SORCS3: variants seen among roughly 807,000 people sequenced by gnomAD.
SORCS3 encodes sortilin related VPS10 domain containing receptor 3.
SORCS3 carries 57 observed loss-of-function variants against 146.3 expected under a neutral mutation model. The observed-to-expected ratio is 0.39, with a 90% CI of 0.31 to 0.49. SORCS3 has a LOEUF of 0.49. Among genes scored for constraint, SORCS3 ranks in the 20% least tolerant of loss-of-function variants. The probability of loss-of-function intolerance (pLI) is 0.92; values close to 1 mark genes in which losing one functional copy is unlikely to be tolerated. For synonymous variants in SORCS3, 653 were observed against 618.5 expected (o/e 1.06, Z -0.83); for missense variants, 1,341 against 1,575.5 (o/e 0.85, Z 2.52).
At chr10:105,105,586 G>A in intron 7 of SORCS3, 71 bp downstream of exon 7, 1 of 1,091,136 alleles carries the variant, frequency 9.2e-7, no homozygotes, top group South Asian at 1.3e-5. Context: ...AGGAAAAGGA[G>A]GGTGGCTTTC....
intron 3 of SORCS3, among the ~76,000 whole-genome samples, chr10:104,972,636 AAGAG>A (rs879781865): frequency 2.7e-5 from 4 of 150,178 alleles, no homozygotes; most frequent in Admixed American, 2.0e-4. Context: ...GAGAGAGAGA[AAGAG>A]AGAGAGAGAG....
intron 1 of SORCS3, among the ~76,000 whole-genome samples, chr10:104,658,768 T>C (rs1300590634): frequency 6.6e-6 from 1 of 152,118 alleles, no homozygotes; most frequent in Non-Finnish European, 1.5e-5. Context: ...TTACAATTGT[T>C]ACCTGAGTGG....
chr10:104,825,094 T>C (rs1301265397), intron 1 of SORCS3, among the ~76,000 whole-genome samples: 4 of 152,224 alleles, frequency 2.6e-5, no homozygotes, highest in African/African-American at 7.2e-5. Flanking sequence ...GAGGTTGCTC[T>C]TTATTTTGTG....
intron 5 of SORCS3, 70 bp downstream of exon 5, chr10:105,043,198 C>A: frequency 7.3e-7 from 1 of 1,367,344 alleles, no homozygotes; most frequent in South Asian, 1.2e-5. Flanking sequence ...CTCTAGACAG[C>A]TCTGGACAGT....
At chr10:104,740,889 A>G (rs537133648) in intron 1 of SORCS3, among the ~76,000 whole-genome samples, 1 of 152,194 alleles carries the variant, frequency 6.6e-6, no homozygotes, top group South Asian at 2.1e-4. Context: ...TTCCATTAGC[A>G]ATCATTGTAG....
At chr10:105,194,579 C>T (rs2056534236) in intron 14 of SORCS3, among the ~76,000 whole-genome samples, 1 of 152,124 alleles carries the variant, frequency 6.6e-6, no homozygotes, top group Admixed American at 6.6e-5. Flanking sequence ...TTGCCAAAGA[C>T]CTGAGAATAA....
intron 1 of SORCS3, among the ~76,000 whole-genome samples, chr10:104,748,707 G>T (rs964175757): frequency 2.0e-5 from 3 of 152,134 alleles, no homozygotes; most frequent in Admixed American, 6.5e-5. Flanking sequence ...ACAAAAATTT[G>T]CTGGGTGTGG....
chr10:105,036,871 C>A (rs1345475850), intron 4 of SORCS3, among the ~76,000 whole-genome samples: 1 of 152,170 alleles, frequency 6.6e-6, no homozygotes. Flanking sequence ...CCATCATGAA[C>A]ACAATACAGC....
intron 2 of SORCS3, among the ~76,000 whole-genome samples, chr10:104,887,980 A>G (rs1158518063): frequency 7.1e-6 from 1 of 141,146 alleles, no homozygotes; most frequent in Non-Finnish European, 1.5e-5. Flanking sequence ...GGGCGGAGCA[A>G]GCCCATGAAG....
In SORCS3 at chr10:104,912,175, T is replaced by G. The variant is rs1274838863; in HGVS notation, c.696-3658T>G. On this transcript the variant is annotated intron_variant, in intron 2 of 26. Coordinates refer to ENST00000369701, the MANE Select transcript of SORCS3 (RefSeq NM_014978.3). ...TGTCAGAATAATTTTTTAACAGCCT[T>G]CTAAAAGTGGCTTGTGCAGGGTAAC... Among the ~76,000 whole-genome samples, 3 of 152,224 alleles carry G rather than the reference T, an allele frequency of 2.0e-5. No homozygotes were observed. In the East Asian group the frequency reaches 5.8e-4, roughly 29 times the overall value.
At chr10:104,791,701 T>G (rs1371886598) in intron 1 of SORCS3, among the ~76,000 whole-genome samples, 2 of 152,202 alleles carry the variant, frequency 1.3e-5, no homozygotes, top group African/African-American at 4.8e-5. Context: ...CTGACACCTT[T>G]TCACTTTGGC....
chr10:104,991,627 G>A (rs932017372), intron 4 of SORCS3, among the ~76,000 whole-genome samples: 4 of 151,488 alleles, frequency 2.6e-5, no homozygotes, highest in African/African-American at 7.3e-5. Flanking sequence ...TCAGCCTCCC[G>A]AGTGGCTGGG....
intron 3 of SORCS3, among the ~76,000 whole-genome samples, chr10:104,958,290 G>T (rs762932614): frequency 5.9e-5 from 9 of 152,094 alleles, no homozygotes; most frequent in Admixed American, 1.3e-4. Flanking sequence ...ATAAGTAGCT[G>T]CTTGCCACTG....
chr10:105,228,685 G>A (rs950974049), intron 20 of SORCS3, among the ~76,000 whole-genome samples: 1 of 151,970 alleles, frequency 6.6e-6, no homozygotes, highest in Non-Finnish European at 1.5e-5. Flanking sequence ...TTCTCTCCTG[G>A]TTTGTAAGAT....
At chr10:104,913,219 A>G (rs2018988183) in intron 2 of SORCS3, among the ~76,000 whole-genome samples, 1 of 152,192 alleles carries the variant, frequency 6.6e-6, no homozygotes. Context: ...TGGTAACAGC[A>G]TGGAGGATGA....
intron 4 of SORCS3, among the ~76,000 whole-genome samples, chr10:105,024,597 G>A (rs1564737148): frequency 6.6e-6 from 1 of 152,260 alleles, no homozygotes; most frequent in South Asian, 2.1e-4. Context: ...CATGTTTGAA[G>A]GCATATGAGT....
At chr10:104,841,595 G>C (rs1309209665) in intron 1 of SORCS3, among the ~76,000 whole-genome samples, 3 of 152,152 alleles carry the variant, frequency 2.0e-5, no homozygotes, top group African/African-American at 7.2e-5. Context: ...TGCTGGATGA[G>C]AATAAATCTC....
chr10:104,933,254 CT>C (rs760881934), intron 3 of SORCS3, among the ~76,000 whole-genome samples: 64 of 151,726 alleles, frequency 4.2e-4, no homozygotes, highest in Non-Finnish European at 6.3e-4. Context: ...AGACAAAGTC[CT>C]TTCTATCTTG....
At chr10:104,790,313 G>A (rs1423404992) in intron 1 of SORCS3, among the ~76,000 whole-genome samples, 8 of 151,924 alleles carry the variant, frequency 5.3e-5, no homozygotes, top group Admixed American at 5.3e-4. Flanking sequence ...TTCAGTAGAT[G>A]GAGAAGTAAG....
Sources: allele counts gnomAD v4.1 joint callset (sites outside exome capture counted in the v4.1 genomes callset), GRCh38; gene constraint gnomAD v4.1.1; transcripts MANE v1.5; gene names NCBI Gene and HGNC (gene_info 2026-07-23, HGNC 2026-07-21).